The following ALAD variants were observed in gnomAD, a reference collection of about 807,000 sequenced individuals.
The protein encoded by ALAD is aminolevulinate dehydratase.
In ALAD, 20 loss-of-function variants were observed where a neutral mutation model predicts 44.4. The ratio of observed to expected loss-of-function variants is 0.45; its 90% CI spans 0.32 to 0.65. The LOEUF (loss-of-function observed/expected upper bound fraction) is 0.65, where lower values mean the gene tolerates loss of function less well. ALAD is among the 30% of genes least tolerant of loss of function. The pLI is 0.05. For synonymous variants in ALAD, 156 were observed against 167.9 expected (o/e 0.93, Z 0.55); for missense variants, 323 against 445.7 (o/e 0.72, Z 2.48).
intron 11 of ALAD, 92 bp downstream of exon 11, chr9:113,388,885 C>G (rs1827481483): frequency 6.3e-6 from 10 of 1,587,458 alleles, no homozygotes; most frequent in Non-Finnish European, 8.6e-6. Context: ...GGAATAAGAT[C>G]CCAAGCTCTC....
chr9:113,397,620 CTTTT>C (rs554533853), intron 1 of ALAD, among the ~76,000 whole-genome samples: 7 of 108,772 alleles, frequency 6.4e-5, no homozygotes, highest in African/African-American at 1.1e-4. Flanking sequence ...TTTTCCTTTT[CTTTT>C]TTTTTTTTTT....
chr9:113,389,411 C>A, intron 10 of ALAD, 27 bp downstream of exon 10: 3 of 1,611,364 alleles, frequency 1.9e-6, no homozygotes, highest in Non-Finnish European at 2.5e-6. Context: ...GCCCCCTGAG[C>A]CCCCTTTGCC....
rs1314497934 is a variant in ALAD, at chr9:113,387,569, T to C, written c.*731A>G. 2.0e-5 allele frequency: 3 copies of C among 153,308 alleles called. No individual in the cohort carries two copies. The highest frequency in any genetic ancestry group is 4.4e-5 in the Non-Finnish European group (3 of 68,820). 9.5% of individuals were successfully genotyped at this position (153,308 alleles called of 1,614,324 possible). On this transcript the variant is annotated 3_prime_UTR_variant, in exon 12 of 12. Transcript: ENST00000409155. ...AGAGATAAGCTGAGGTCTGTCCTGC[T>C]GTATTCCCAGGACCCAGCACTGAAC...
rs1239260109 is a variant in ALAD at position 113,387,153 on chromosome 9, G to C, written c.*1147C>G. The C allele has an allele frequency of 3.3e-5, 5 of 152,262 alleles. No individual in the cohort carries two copies. Among genetic ancestry groups the C allele is most frequent in the African/African-American group, 1.2e-4 (5 of 41,450 alleles). 9.4% of individuals were successfully genotyped at this position (152,262 alleles called of 1,614,324 possible). On this transcript the variant is annotated 3_prime_UTR_variant, in exon 12 of 12. Transcript: ENST00000409155. ...CCACTCAGTTCAGGCCATCCTCTCAGTGCTCCAGACAAGCTAGCCTTGCAT... is the reference window on the plus strand; with the variant it reads ...CCACTCAGTTCAGGCCATCCTCTCACTGCTCCAGACAAGCTAGCCTTGCAT...
rs1827544810 is a variant in ALAD, at chr9:113,390,513, C to T, written c.482-20G>A. ...GACATCCTGGGGGGCAGAGGGTGGC[C>T]TTCAGAACTCTGGGGCCCTCCTAGC... is the stretch of plus-strand genomic sequence containing the variant. On this transcript the variant is annotated intron_variant, in intron 6 of 11. Transcript: ENST00000409155. 1 of 1,614,018 alleles carries T rather than the reference C, an allele frequency of 6.2e-7. No homozygotes were observed. The highest frequency in any genetic ancestry group is 1.3e-5 in the African/African-American group (1 of 75,064).
Position 113,389,424 on chromosome 9 carries a change from G to A in ALAD, c.801+14C>T, listed in dbSNP as rs369933664. The A allele has an allele frequency of 6.0e-5, 97 of 1,612,522 alleles. No homozygotes were observed. The highest frequency in any genetic ancestry group is 8.0e-5 in the Non-Finnish European group (94 of 1,179,892). Reference sequence around the variant, plus strand: ...CAGCCCCCTGAGCCCCCTTTGCCTCGTACCTGTGCTCACCTTGTCCTTTAC... The same window carrying A: ...CAGCCCCCTGAGCCCCCTTTGCCTCATACCTGTGCTCACCTTGTCCTTTAC... On this transcript the variant is annotated intron_variant, in intron 10 of 11. Coordinates refer to ENST00000409155, the MANE Select transcript of ALAD (RefSeq NM_000031.6).
Position 113,389,399 on chromosome 9 carries a change from C to CAGCCCCCTG in ALAD, c.801+30_801+38dup, listed in dbSNP as rs775232448. 7 of 1,608,380 alleles carry CAGCCCCCTG rather than the reference C, an allele frequency of 4.4e-6. No homozygotes were observed. The African/African-American group carries it at 9.4e-5, about 22-fold the overall frequency. On this transcript the variant is annotated intron_variant, in intron 10 of 11. Transcript: ENST00000409155. The stretch of plus-strand genomic sequence containing the variant: ...CCAGAGTCTGTGGAAAACTCTGTCC[C>CAGCCCCCTG]AGCCCCCTGAGCCCCCTTTGCCTCG...
At chr9:113,388,803 C>T (rs980153387) in intron 11 of ALAD, among the ~76,000 whole-genome samples, 174 bp downstream of exon 11, 22 of 152,288 alleles carry the variant, frequency 1.4e-4, no homozygotes, top group African/African-American at 5.1e-4. Flanking sequence ...CTTGCTTCAC[C>T]GGGCCGTGTT....
chr9:113,392,815 C>CTTTT (rs34148636), intron 2 of ALAD, among the ~76,000 whole-genome samples: 27 of 113,068 alleles, frequency 2.4e-4, no homozygotes, highest in African/African-American at 4.8e-4. Flanking sequence ...ATTGCCATCT[C>CTTTT]TTTTTTTTTT....
rs1467519806 is a variant in ALAD, at chr9:113,390,711, T to C, written c.398-35A>G. On this transcript the variant is annotated intron_variant, in intron 5 of 11. Transcript: ENST00000409155. ...AGATGACTGGGTTTTGGGGAGCACC[T>C]TGGGCCCTGGCCTGTCCCCACCCTG... is the stretch of plus-strand genomic sequence containing the variant. The C allele has an allele frequency of 2.5e-6, 4 of 1,607,070 alleles. No individual in the cohort carries two copies. In the East Asian group the frequency reaches 6.7e-5, roughly 27 times the overall value.
rs1417976154 is a variant in ALAD, at chr9:113,391,597, A to G, written c.191T>C (p.Met64Thr). ...ARYGVKRLEE[M>T]LRPLVEEGLR... ...GCCCTCTTCCACCAAGGGCCTCAGC[A>G]TCTCTTCCAGCCGCTTCACACCATA... The change falls in exon 4 of 12, where the codon ATG (methionine) becomes ACG (threonine). Residue 64 changes from methionine to threonine, a missense_variant. Transcript: ENST00000409155. 1.9e-6 allele frequency: 3 copies of G among 1,614,024 alleles called. No homozygotes were observed. The highest frequency in any genetic ancestry group is 2.7e-5 in the African/African-American group (2 of 74,936).
At chr9:113,392,241 G>T (rs764701913) in intron 2 of ALAD, 72 bp from the exon 3 acceptor site, 11 of 1,610,808 alleles carry the variant, frequency 6.8e-6, no homozygotes, top group South Asian at 1.1e-5. Context: ...GACTGAGAGG[G>T]ATGGTTGGGA....
intron 2 of ALAD, 111 bp from the exon 3 acceptor site, chr9:113,392,280 G>T: frequency 6.3e-7 from 1 of 1,593,586 alleles, no homozygotes. Flanking sequence ...AAGTGGAGAT[G>T]GTGGGAGGAG....
In ALAD at chr9:113,389,644, G is replaced by A; in HGVS notation, c.669C>T (p.Cys223=). The part of the protein sequence containing the change: ...KSSPAFGDRR[C]YQLPPGARGL... ...CTCGTGCTCCAGGGGGCAGCTGGTA[G>A]CAGCGGCGGTCCCCAAAAGCTGGGC... Residue 223 remains cysteine, a synonymous_variant, in exon 9 of 12, where the codon TGC becomes TGT. Transcript: ENST00000409155. 6.2e-7 allele frequency: 1 copy of A among 1,614,204 alleles called. No individual in the cohort carries two copies. The highest frequency in any genetic ancestry group is 1.1e-5 in the South Asian group (1 of 91,088).
intron 1 of ALAD, among the ~76,000 whole-genome samples, chr9:113,399,699 A>AG (rs1156489549): frequency 1.3e-5 from 2 of 152,176 alleles, no homozygotes; most frequent in African/African-American, 4.8e-5. Flanking sequence ...TGCTACCAGG[A>AG]GGGGCTATGA....
chr9:113,394,207 C>T (rs554774209), intron 1 of ALAD, among the ~76,000 whole-genome samples: 26 of 149,758 alleles, frequency 1.7e-4, no homozygotes, highest in African/African-American at 5.6e-4. Flanking sequence ...CCCAAAGTGC[C>T]GGGATTACAG....
intron 4 of ALAD, 99 bp from the exon 5 acceptor site, chr9:113,391,032 C>A: frequency 6.7e-7 from 1 of 1,501,498 alleles, no homozygotes; most frequent in Non-Finnish European, 9.1e-7. Context: ...CTTCTCCTTC[C>A]TTCATCATCA....
At chr9:113,388,446 G>A (rs1827469598) in intron 11 of ALAD, 85 bp from the exon 12 acceptor site, 1 of 1,289,608 alleles carries the variant, frequency 7.8e-7, no homozygotes, top group Non-Finnish European at 1.1e-6. Flanking sequence ...GCCAGGCGGG[G>A]AAGAAGGCTA....
chr9:113,389,942 C>T, intron 7 of ALAD, 114 bp from the exon 8 acceptor site: 1 of 1,301,570 alleles, frequency 7.7e-7, no homozygotes, highest in South Asian at 1.2e-5. Flanking sequence ...GTGTTCTGGT[C>T]CTGTTGGAGT....
Sources: gnomAD v4.1 joint callset for allele counts (sites outside exome capture counted in the v4.1 genomes callset) on GRCh38, gnomAD v4.1.1 for gene constraint, MANE v1.5 for transcripts, NCBI Gene and HGNC (gene_info 2026-07-23, HGNC 2026-07-21) for gene names.